Variants in SIRPA observed in about 807,000 individuals in gnomAD.
SIRPA encodes the protein tyrosine-protein phosphatase non-receptor type substrate 1.
Under a neutral mutation model 50.3 loss-of-function variants are expected in SIRPA, and 9 were observed. The ratio of observed to expected loss-of-function variants is 0.18; its 90% CI spans 0.11 to 0.31. SIRPA has a LOEUF of 0.31. Ranked by LOEUF, SIRPA falls within the 10% of genes least tolerant of loss-of-function variation. The pLI is 1.00. For synonymous variants in SIRPA, 265 were observed against 284.1 expected (o/e 0.93, Z 0.68); for missense variants, 474 against 661.6 (o/e 0.72, Z 3.11).
At position 1,927,183 on chromosome 20, in the gene SIRPA, A is replaced by G. The variant is rs1986029992; in HGVS notation, c.1202-692A>G. Among the ~76,000 whole-genome samples, 1 of 152,192 alleles carries G rather than the reference A, an allele frequency of 6.6e-6. No individual in the cohort carries two copies. The highest frequency in any genetic ancestry group is 2.4e-5 in the African/African-American group (1 of 41,460). ...CCTATTAAAGTGCGGTGCAGAGTGC[A>G]TTTGGGTGTGCATGTTGCTTTTTAA... is the stretch of plus-strand genomic sequence containing the variant. On this transcript the variant is annotated intron_variant, in intron 5 of 7. Transcript: ENST00000358771. This position sits in a 1 kb window ranked among gnomAD's most constrained non-coding sequence, Gnocchi z 6.5.
Position 1,932,232 on chromosome 20 carries a change from T to C in SIRPA, c.1227-2483T>C, listed in dbSNP as rs1262043136. Among the ~76,000 whole-genome samples, 1 of 151,992 alleles carries C rather than the reference T, an allele frequency of 6.6e-6. No homozygotes were observed. Among genetic ancestry groups the C allele is most frequent in the Non-Finnish European group, 1.5e-5 (1 of 68,010 alleles). On this transcript the variant is annotated intron_variant, in intron 6 of 7. Transcript: ENST00000358771. The surrounding 1 kb of genome is among the most constrained non-coding windows in gnomAD (Gnocchi z 6.0). ...GTTACCAGACAAGCTGGAAAGTTAA[T>C]AAGGGATGTGGTGCAGCTGCTGACT...
intron 2 of SIRPA, among the ~76,000 whole-genome samples, chr20:1,918,820 G>A (rs985509054): frequency 5.3e-5 from 8 of 152,104 alleles, no homozygotes; most frequent in African/African-American, 1.2e-4. Flanking sequence ...GAATGGTGGC[G>A]GTGTTCGGGT....
chr20:1,895,347 G>C (rs945489364), upstream of SIRPA: 20 of 694,134 alleles, frequency 2.9e-5, no homozygotes, highest in East Asian at 7.1e-5. Flanking sequence ...CAGCCGGGAG[G>C]GGGGAAGGGG....
chr20:1,926,025 G>A (rs995404545), intron 5 of SIRPA, among the ~76,000 whole-genome samples: 2 of 152,130 alleles, frequency 1.3e-5, no homozygotes, highest in Admixed American at 6.5e-5. Context: ...GTGCTGTCCC[G>A]AGCTGCCTTT....
At chr20:1,901,495 C>T (rs188153340) in intron 1 of SIRPA, among the ~76,000 whole-genome samples, 89 of 152,200 alleles carry the variant, frequency 5.8e-4, no homozygotes, top group Non-Finnish European at 1.1e-3. Context: ...TATCAGTGCA[C>T]CTTCCTATGA....
chr20:1,898,852 CAT>C lies in SIRPA; in HGVS notation c.79+3327_79+3328del, dbSNP rs1271154080. On this transcript the variant is annotated intron_variant, in intron 1 of 7. Transcript: ENST00000358771. This position sits in a 1 kb window ranked among gnomAD's most constrained non-coding sequence, Gnocchi z 4.3. ...CCCTTGGTCCTCACCAGTAACAACACATGAGAGGTGATGTGGCTCCTGTGAGA... is the reference window on the plus strand; with the variant it reads ...CCCTTGGTCCTCACCAGTAACAACACGAGAGGTGATGTGGCTCCTGTGAGA... Among the ~76,000 whole-genome samples, 2 of 152,212 alleles carry C rather than the reference CAT, an allele frequency of 1.3e-5. No homozygotes were observed. The highest frequency in any genetic ancestry group is 4.8e-5 in the African/African-American group (2 of 41,544).
chr20:1,936,949 A>G lies in SIRPA; in HGVS notation c.1267-371A>G, dbSNP rs1190475687. ...TCTGAAATTTACATGGTGGATTGGG[A>G]TTTGTTACAAGGAGAAGCAGGACAG... On this transcript the variant is annotated intron_variant, in intron 7 of 7. Transcript: ENST00000358771. This position sits in a 1 kb window ranked among gnomAD's most constrained non-coding sequence, Gnocchi z 4.2. Among the ~76,000 whole-genome samples the G allele has an allele frequency of 6.6e-6, 1 of 152,028 alleles. No individual in the cohort carries two copies. Among genetic ancestry groups the G allele is most frequent in the East Asian group, 1.9e-4 (1 of 5,150 alleles).
intron 1 of SIRPA, among the ~76,000 whole-genome samples, 192 bp downstream of exon 1, chr20:1,895,718 T>G (rs560741229): frequency 6.6e-6 from 1 of 152,208 alleles, no homozygotes; most frequent in Non-Finnish European, 1.5e-5. Context: ...CAGCCAAGGG[T>G]AGAACCCAAG....
At chr20:1,894,195 C>T (rs1302463989), upstream of SIRPA, 1 of 152,414 alleles carries the variant, frequency 6.6e-6, no homozygotes, top group Admixed American at 6.5e-5. The surrounding 1 kb of genome is among the most constrained non-coding windows in gnomAD (Gnocchi z 4.0). Context: ...CCAAGAGGGG[C>T]CTTCAGCTTT....
intron 1 of SIRPA, among the ~76,000 whole-genome samples, chr20:1,901,150 CCTTT>C (rs1245976031): frequency 1.6e-4 from 23 of 146,914 alleles, no homozygotes; most frequent in East Asian, 6.4e-4. Flanking sequence ...GTTTTTTCTT[CCTTT>C]CTTTCTTTCT....
chr20:1,914,198 G>C (rs1004880499), intron 1 of SIRPA, among the ~76,000 whole-genome samples: 2 of 152,026 alleles, frequency 1.3e-5, no homozygotes, highest in Non-Finnish European at 2.9e-5. Context: ...TTTCTTTTCA[G>C]AACAAAGCAG....
intron 6 of SIRPA, among the ~76,000 whole-genome samples, chr20:1,930,541 A>G (rs986500594): frequency 6.6e-6 from 1 of 152,186 alleles, no homozygotes; most frequent in Non-Finnish European, 1.5e-5. Context: ...CAGTGGCTAC[A>G]CAGCCCCATC....
At chr20:1,912,120 T>TA (rs889287029) in intron 1 of SIRPA, among the ~76,000 whole-genome samples, 48 of 148,896 alleles carry the variant, frequency 3.2e-4, no homozygotes, top group Admixed American at 4.7e-4. Context: ...CGAGAGGAGC[T>TA]AAAAAAAAAA....
chr20:1,915,868 G>A (rs1440458169), intron 2 of SIRPA, among the ~76,000 whole-genome samples: 1 of 152,240 alleles, frequency 6.6e-6, no homozygotes, highest in Non-Finnish European at 1.5e-5. Flanking sequence ...AACCTACTGT[G>A]TGCCAGGCTC....
chr20:1,905,540 T>C (rs1220410926), intron 1 of SIRPA, among the ~76,000 whole-genome samples: 3 of 152,212 alleles, frequency 2.0e-5, no homozygotes. Flanking sequence ...CACCAGGGCC[T>C]GTCTCAGGGC....
chr20:1,925,077 A>G (rs1162619440), intron 5 of SIRPA, among the ~76,000 whole-genome samples, 200 bp downstream of exon 5: 3 of 152,140 alleles, frequency 2.0e-5, no homozygotes, highest in Non-Finnish European at 4.4e-5. Context: ...CCTCATGGTT[A>G]CAAGATGTTC....
intron 1 of SIRPA, among the ~76,000 whole-genome samples, chr20:1,896,090 G>A (rs1358708142): frequency 2.6e-5 from 4 of 152,130 alleles, no homozygotes; most frequent in Non-Finnish European, 4.4e-5. Flanking sequence ...GGGAGGCCGC[G>A]GTAACCCCAG....
Position 1,924,547 on chromosome 20 carries a change from CT to C in SIRPA, c.1088-216del, listed in dbSNP as rs1039203311. ...CTGTCAGCTACAAATATATTCCCCC[CT>C]GGCACCTCAGCATGGTTTTTGTGCT... On this transcript the variant is annotated intron_variant, in intron 4 of 7. Transcript: ENST00000358771. The surrounding 1 kb of genome is among the most constrained non-coding windows in gnomAD (Gnocchi z 4.5). 2.6e-5 allele frequency among the ~76,000 whole-genome samples: 4 copies of C among 152,208 alleles called. No homozygotes were observed. Among genetic ancestry groups the C allele is most frequent in the South Asian group, 2.1e-4 (1 of 4,832 alleles).
intron 1 of SIRPA, among the ~76,000 whole-genome samples, chr20:1,910,946 A>T (rs777456232): frequency 3.3e-5 from 5 of 152,332 alleles, no homozygotes; most frequent in Non-Finnish European, 2.9e-5. Context: ...AGAAATGCAA[A>T]CAGAAAACAT....
Sources: allele counts gnomAD v4.1 joint callset (sites outside exome capture counted in the v4.1 genomes callset), GRCh38; gene constraint gnomAD v4.1.1; non-coding constraint Gnocchi (gnomAD v3.1); transcripts MANE v1.5; gene names NCBI Gene and HGNC (gene_info 2026-07-23, HGNC 2026-07-21).